Variants in GRAMD1C observed in about 807,000 individuals in gnomAD.
GRAMD1C encodes the protein protein Aster-C.
In GRAMD1C, 89 loss-of-function variants were observed where a neutral mutation model predicts 97.8. That is an observed-to-expected ratio of 0.91 (90% CI 0.77 to 1.09). The LOEUF is 1.09. Among genes scored for constraint, GRAMD1C ranks in the 50% least tolerant of loss-of-function variants. The probability of loss-of-function intolerance (pLI) is 0.00; values close to 1 mark genes in which losing one functional copy is unlikely to be tolerated. For synonymous variants in GRAMD1C, 256 were observed against 267.0 expected, an observed-to-expected ratio of 0.96 and a Z score of 0.40; for missense variants, 740 against 766.4, an observed-to-expected ratio of 0.97 and a Z score of 0.41.
chr3:113,903,283 C>A (rs1051469823), intron 7 of GRAMD1C, among the ~76,000 whole-genome samples: 9 of 152,084 alleles, frequency 5.9e-5, no homozygotes, highest in Admixed American at 4.6e-4. Flanking sequence ...GGCCTGAATG[C>A]TTTCTAAGAA....
At chr3:113,837,989 T>TA (rs1709667064), upstream of GRAMD1C, among the ~76,000 whole-genome samples, 1 of 152,330 alleles carries the variant, frequency 6.6e-6, no homozygotes, top group African/African-American at 2.4e-5. Context: ...ACCAAGGTTT[T>TA]ATCATGCAGA....
chr3:113,930,995 CG>C (rs1160988626), intron 11 of GRAMD1C, among the ~76,000 whole-genome samples, 163 bp downstream of exon 11: 1 of 152,102 alleles, frequency 6.6e-6, no homozygotes, highest in Non-Finnish European at 1.5e-5. Flanking sequence ...GCATATGAAT[CG>C]TATCAACCCA....
chr3:113,846,503 T>C (rs766267206), intron 2 of GRAMD1C, among the ~76,000 whole-genome samples: 5 of 152,118 alleles, frequency 3.3e-5, no homozygotes, highest in African/African-American at 4.8e-5. Context: ...GTGGTTACTA[T>C]TGACAGACTT....
At chr3:113,897,715 C>A in intron 6 of GRAMD1C, 2 of 983,304 alleles carry the variant, frequency 2.0e-6, no homozygotes, top group Non-Finnish European at 2.4e-6. Flanking sequence ...AGAAATTGAT[C>A]TTCTGACTTT....
chr3:113,892,350 T>C (rs1935766215), intron 6 of GRAMD1C, among the ~76,000 whole-genome samples: 1 of 152,044 alleles, frequency 6.6e-6, no homozygotes, highest in South Asian at 2.1e-4. Flanking sequence ...CAGGCACTTG[T>C]AGTCCCAGCT....
intron 10 of GRAMD1C, chr3:113,919,342 T>G: frequency 2.0e-6 from 1 of 493,160 alleles, no homozygotes; most frequent in Admixed American, 2.3e-5. Flanking sequence ...AAACACCATC[T>G]CTTTATAATG....
chr3:113,896,658 A>G (rs1249766641), intron 6 of GRAMD1C, among the ~76,000 whole-genome samples: 1 of 152,194 alleles, frequency 6.6e-6, no homozygotes, highest in Non-Finnish European at 1.5e-5. Context: ...AGCTGCCCCC[A>G]CAGTGGGCTT....
intron 6 of GRAMD1C, among the ~76,000 whole-genome samples, chr3:113,883,555 C>T (rs145701905): frequency 6.6e-6 from 1 of 150,596 alleles, no homozygotes; most frequent in Non-Finnish European, 1.5e-5. Context: ...CATGATCCAT[C>T]TATCCATCTT....
intron 3 of GRAMD1C, among the ~76,000 whole-genome samples, chr3:113,870,128 G>A (rs1485569923): frequency 2.0e-5 from 3 of 152,088 alleles, no homozygotes; most frequent in African/African-American, 4.8e-5. Context: ...TTGGGAGACT[G>A]AGGCAGGAAC....
At chr3:113,917,314 A>G (rs1020889306) in intron 10 of GRAMD1C, among the ~76,000 whole-genome samples, 1 of 152,258 alleles carries the variant, frequency 6.6e-6, no homozygotes, top group South Asian at 2.1e-4. Flanking sequence ...AAGTTATTCT[A>G]TAGTCAATTT....
intron 2 of GRAMD1C, among the ~76,000 whole-genome samples, chr3:113,852,074 T>G (rs1287883637): frequency 6.6e-6 from 1 of 152,126 alleles, no homozygotes; most frequent in East Asian, 1.9e-4. Flanking sequence ...CTCACATTAT[T>G]AACAGGTAAA....
chr3:113,862,152 C>T (rs1475915988), intron 2 of GRAMD1C, among the ~76,000 whole-genome samples: 2 of 152,144 alleles, frequency 1.3e-5, no homozygotes, highest in East Asian at 1.9e-4. Flanking sequence ...CACACATTGT[C>T]ATTGATAACA....
intron 10 of GRAMD1C, among the ~76,000 whole-genome samples, chr3:113,916,564 G>A (rs1475805601): frequency 6.6e-6 from 1 of 152,054 alleles, no homozygotes; most frequent in Non-Finnish European, 1.5e-5. Flanking sequence ...CAAATTTATG[G>A]ACATAAAGTC....
Position 113,882,765 on chromosome 3 carries a change from C to A in GRAMD1C, c.473C>A (p.Ser158Tyr). ...VTESEKFFFT[S>Y]FGARDRSYLS... is the part of the protein sequence containing the mutation. ...TTTTCTTTGCAGTTTTTCTTCACAT[C>A]TTTTGGTGCCAGGGATAGAAGTTAC... The change falls in exon 6 of 18, where the codon TCT (serine) becomes TAT (tyrosine). Residue 158 changes from serine to tyrosine, a missense_variant. Transcript: ENST00000358160. 3 of 1,582,746 alleles carry A rather than the reference C, an allele frequency of 1.9e-6. No homozygotes were observed. The highest frequency in any genetic ancestry group is 2.6e-6 in the Non-Finnish European group (3 of 1,151,734).
At chr3:113,909,239 G>A in intron 9 of GRAMD1C, 119 bp downstream of exon 9, 1 of 442,488 alleles carries the variant, frequency 2.3e-6, no homozygotes. Flanking sequence ...ACCCTATAAA[G>A]AAACAAAAAA....
Position 113,933,459 on chromosome 3 carries a change from G to T in GRAMD1C, c.1210-52G>T, listed in dbSNP as rs376495015. 8 of 1,285,160 alleles carry T rather than the reference G, an allele frequency of 6.2e-6. No individual in the cohort carries two copies. In the African/African-American group the frequency reaches 8.8e-5, roughly 14 times the overall value. 79.6% of individuals were successfully genotyped at this position (1,285,160 alleles called of 1,614,324 possible). On this transcript the variant is annotated intron_variant, in intron 11 of 17. Transcript: ENST00000358160. ...TATACATGTTCTAAATTGGCAAGAA[G>T]ATTCATATATTAAGCATATACATAC...
intron 2 of GRAMD1C, among the ~76,000 whole-genome samples, chr3:113,864,262 C>T (rs935526017): frequency 1.3e-5 from 2 of 151,982 alleles, no homozygotes; most frequent in African/African-American, 4.8e-5. Flanking sequence ...TACAGGCATG[C>T]ACCACCACGC....
intron 2 of GRAMD1C, among the ~76,000 whole-genome samples, chr3:113,863,539 T>G (rs1181317095): frequency 6.6e-6 from 1 of 152,210 alleles, no homozygotes; most frequent in African/African-American, 2.4e-5. Context: ...TTTTCTGGAA[T>G]TATATAGTGG....
intron 10 of GRAMD1C, among the ~76,000 whole-genome samples, chr3:113,918,054 C>T (rs1222370673): frequency 4.0e-5 from 6 of 151,830 alleles, no homozygotes; most frequent in African/African-American, 2.4e-5. Context: ...ATACTAGGAA[C>T]CAAAATCAAT....
Sources: allele counts gnomAD v4.1 joint callset (sites outside exome capture counted in the v4.1 genomes callset), GRCh38; gene constraint gnomAD v4.1.1; transcripts MANE v1.5; gene names NCBI Gene and HGNC (gene_info 2026-07-23, HGNC 2026-07-21).